STIM1: variants seen among roughly 807,000 people sequenced by gnomAD.
STIM1 encodes stromal interaction molecule 1.
STIM1 carries 25 observed loss-of-function variants against 74.7 expected under a neutral mutation model. The observed-to-expected ratio is 0.33, with a 90% CI of 0.24 to 0.47. STIM1 has a LOEUF of 0.47. Among genes scored for constraint, STIM1 ranks in the 20% least tolerant of loss-of-function variants. STIM1 has a pLI of 1.00. For missense variants in STIM1, 728 were observed against 920.8 expected (o/e 0.79, Z 2.71); for synonymous variants, 328 against 348.8 (o/e 0.94, Z 0.66).
chr11:3,889,009 C>A (rs911805421), intron 1 of STIM1, among the ~76,000 whole-genome samples: 2 of 151,388 alleles, frequency 1.3e-5, no homozygotes, highest in African/African-American at 4.9e-5. Flanking sequence ...GCTTGCACAC[C>A]TCTAGGGCTA....
intron 1 of STIM1, among the ~76,000 whole-genome samples, chr11:3,879,248 G>T (rs1051188842): frequency 3.3e-5 from 5 of 152,112 alleles, no homozygotes; most frequent in South Asian, 2.1e-4. Context: ...GAGCCACTGC[G>T]TCCAGCGTTT....
In STIM1 at chr11:4,003,904, A is replaced by T. The variant is rs192502833; in HGVS notation, c.271-19969A>T. ...CTTCAGCAAAGTCTCAGGATAAAAA[A>T]AATCAATGTACAAAAATCACAAGCA... On this transcript the variant is annotated intron_variant, in intron 2 of 12. Coordinates refer to ENST00000526596, the MANE Select transcript of STIM1 (RefSeq NM_001382567.1). Among the ~76,000 whole-genome samples, 47 of 152,372 alleles carry T rather than the reference A, an allele frequency of 3.1e-4. 1 individual carries two copies. In the East Asian group the frequency reaches 7.3e-3, roughly 24 times the overall value.
At chr11:3,864,122 C>T (rs531609563) in intron 1 of STIM1, among the ~76,000 whole-genome samples, 14 of 152,200 alleles carry the variant, frequency 9.2e-5, no homozygotes, top group African/African-American at 3.4e-4. Context: ...CATGGGGAGA[C>T]TGTTAATAAA....
intron 3 of STIM1, among the ~76,000 whole-genome samples, chr11:4,030,222 G>A (rs1395251039): frequency 3.3e-5 from 5 of 151,930 alleles, no homozygotes; most frequent in African/African-American, 7.3e-5. Flanking sequence ...CCAGCTACTC[G>A]GGAGGCTGAG....
chr11:3,906,170 T>C (rs2092462450), intron 1 of STIM1, among the ~76,000 whole-genome samples: 1 of 152,226 alleles, frequency 6.6e-6, no homozygotes. Flanking sequence ...CGTGAGGAAT[T>C]GCTGAGCTGT....
At chr11:4,078,882 C>T (rs940741548) in intron 7 of STIM1, among the ~76,000 whole-genome samples, 4 of 151,778 alleles carry the variant, frequency 2.6e-5, no homozygotes, top group Non-Finnish European at 5.9e-5. Flanking sequence ...GGACCCTTTA[C>T]TCTTAAAAAC....
intron 1 of STIM1, among the ~76,000 whole-genome samples, chr11:3,885,752 G>A (rs1393744394): frequency 2.6e-5 from 4 of 152,098 alleles, no homozygotes; most frequent in Admixed American, 6.5e-5. Context: ...ATTCTCTCAC[G>A]TCAGCCTGCT....
intron 1 of STIM1, among the ~76,000 whole-genome samples, chr11:3,924,180 TTA>T (rs2092757231): frequency 6.6e-6 from 1 of 151,142 alleles, no homozygotes; most frequent in Non-Finnish European, 1.5e-5. Context: ...TGTAGTGGTC[TTA>T]TATATCTTTT....
chr11:3,977,170 G>A (rs1309422092), intron 2 of STIM1, among the ~76,000 whole-genome samples: 1 of 152,136 alleles, frequency 6.6e-6, no homozygotes, highest in East Asian at 1.9e-4. Flanking sequence ...TATCTGGTTT[G>A]TCTCTCTTTT....
chr11:3,957,942 T>C (rs1421305584), intron 1 of STIM1, among the ~76,000 whole-genome samples: 2 of 152,058 alleles, frequency 1.3e-5, no homozygotes, highest in East Asian at 3.9e-4. Context: ...CTTGACTCAC[T>C]GCAACCTCCA....
At chr11:3,901,537 A>G (rs1351471966) in intron 1 of STIM1, among the ~76,000 whole-genome samples, 1 of 152,206 alleles carries the variant, frequency 6.6e-6, no homozygotes, top group Non-Finnish European at 1.5e-5. Context: ...AGAAAATGAG[A>G]TACTTAATGA....
chr11:4,084,816 A>T (rs2094483722), intron 11 of STIM1, 51 bp downstream of exon 11: 2 of 1,266,950 alleles, frequency 1.6e-6, no homozygotes, highest in Non-Finnish European at 2.1e-6. Flanking sequence ...TCGGGACTAA[A>T]TCAACACTCT....
chr11:3,861,956 G>T lies in STIM1; in HGVS notation c.139+5547G>T, dbSNP rs149946048. 3.0e-3 allele frequency among the ~76,000 whole-genome samples: 458 copies of T among 152,148 alleles called. 13 individuals carry two copies. Among genetic ancestry groups the T allele is most frequent in the Admixed American group, 0.026 (399 of 15,292 alleles). On this transcript the variant is annotated intron_variant, in intron 1 of 12. Coordinates refer to ENST00000526596, the MANE Select transcript of STIM1 (RefSeq NM_001382567.1). ...AACCTTTGATATACATTGCTGAGTG[G>T]CTTTGTGGGCATGCTGTGGTACATT...
At chr11:4,028,629 C>T (rs550197778) in intron 3 of STIM1, among the ~76,000 whole-genome samples, 54 of 150,512 alleles carry the variant, frequency 3.6e-4, no homozygotes, top group African/African-American at 1.2e-3. Context: ...AGGCTGGTCT[C>T]GAACTCCTGA....
chr11:4,027,368 G>T (rs930935326), intron 3 of STIM1, among the ~76,000 whole-genome samples: 1 of 152,018 alleles, frequency 6.6e-6, no homozygotes, highest in African/African-American at 2.4e-5. Context: ...CTGGAGTGCA[G>T]TGGCGCAATC....
chr11:4,016,911 G>T (rs756132404), intron 2 of STIM1, among the ~76,000 whole-genome samples: 18 of 152,250 alleles, frequency 1.2e-4, no homozygotes, highest in Non-Finnish European at 2.5e-4. Flanking sequence ...TCTGCCAGTT[G>T]CGAAGACCGT....
intron 1 of STIM1, among the ~76,000 whole-genome samples, chr11:3,891,004 C>CAG: frequency 6.6e-6 from 1 of 152,296 alleles, no homozygotes; most frequent in East Asian, 1.9e-4. Context: ...CACAGGAACT[C>CAG]TGAGCCACAG....
At chr11:3,992,269 C>G (rs2093624041) in intron 2 of STIM1, among the ~76,000 whole-genome samples, 1 of 150,888 alleles carries the variant, frequency 6.6e-6, no homozygotes, top group Non-Finnish European at 1.5e-5. Context: ...CAAAAATTAG[C>G]TAGGCATGGT....
chr11:3,979,449 A>T (rs192212010), intron 2 of STIM1, among the ~76,000 whole-genome samples: 1 of 152,062 alleles, frequency 6.6e-6, no homozygotes, highest in South Asian at 2.1e-4. Context: ...TTTTCATTGA[A>T]ATATATTTTT....
Sources: gnomAD v4.1 joint callset for allele counts (sites outside exome capture counted in the v4.1 genomes callset) on GRCh38, gnomAD v4.1.1 for gene constraint, MANE v1.5 for transcripts, NCBI Gene and HGNC (gene_info 2026-07-23, HGNC 2026-07-21) for gene names.